The following DUSP22 variants were observed in gnomAD, a reference collection of about 807,000 sequenced individuals.
DUSP22 encodes dual specificity phosphatase 22, also known as dual specificity protein phosphatase 22.
DUSP22 carries 24 observed loss-of-function variants against 24.5 expected under a neutral mutation model. That is an observed-to-expected ratio of 0.98 (90% CI 0.71 to 1.38). The LOEUF (loss-of-function observed/expected upper bound fraction) is 1.38. DUSP22 is among the 40% of genes most tolerant of loss of function. DUSP22 has a pLI of 0.00. For synonymous variants in DUSP22, 160 were observed against 106.4 expected (o/e 1.50, Z -3.10); for missense variants, 330 against 269.2 (o/e 1.23, Z -1.58).
chr6:337,710 A>G (rs1759419550), intron 4 of DUSP22, among the ~76,000 whole-genome samples: 1 of 152,310 alleles, frequency 6.6e-6, no homozygotes, highest in Admixed American at 6.5e-5. Context: ...CTGGACTTTT[A>G]GCGCATCCGT....
intron 3 of DUSP22, among the ~76,000 whole-genome samples, chr6:333,986 G>A (rs144241510): frequency 9.1e-3 from 1,383 of 151,940 alleles, no homozygotes; most frequent in Non-Finnish European, 0.015. Context: ...TACACATTTA[G>A]TTGTCCCTAT....
intron 2 of DUSP22, among the ~76,000 whole-genome samples, chr6:305,584 A>C (rs1288544641): frequency 6.6e-6 from 1 of 152,286 alleles, no homozygotes; most frequent in East Asian, 1.9e-4. Flanking sequence ...ATTTACTGTC[A>C]GCTATTGACT....
At chr6:315,868 G>A (rs200403731) in intron 3 of DUSP22, among the ~76,000 whole-genome samples, 994 of 152,008 alleles carry the variant, frequency 6.5e-3, no homozygotes, top group African/African-American at 0.023. Context: ...AGCCTTTGGT[G>A]TATGCACAAG....
At chr6:319,889 C>A (rs1758513831) in intron 3 of DUSP22, 1 of 152,376 alleles carries the variant, frequency 6.6e-6, no homozygotes, top group Non-Finnish European at 1.5e-5. Flanking sequence ...GAAGCCAACC[C>A]CAGATTTAAA....
chr6:342,344 C>T (rs1436079876), intron 4 of DUSP22, among the ~76,000 whole-genome samples: 1 of 152,304 alleles, frequency 6.6e-6, no homozygotes, highest in Admixed American at 6.5e-5. Flanking sequence ...CAGTCAGGGA[C>T]AGCGTCTTGG....
At chr6:323,296 T>C (rs1024089168) in intron 3 of DUSP22, among the ~76,000 whole-genome samples, 2 of 152,296 alleles carry the variant, frequency 1.3e-5, no homozygotes, top group Non-Finnish European at 2.9e-5. Context: ...TAGGTTTGAA[T>C]TGAGAAGTTA....
chr6:307,612 G>GGA (rs1757868804), intron 2 of DUSP22, among the ~76,000 whole-genome samples: 1 of 152,308 alleles, frequency 6.6e-6, no homozygotes, highest in Non-Finnish European at 1.5e-5. Flanking sequence ...AAGCCAGAGA[G>GGA]AGCAGCCCCT....
At chr6:318,932 C>CA (rs1252891521) in intron 3 of DUSP22, among the ~76,000 whole-genome samples, 2 of 152,304 alleles carry the variant, frequency 1.3e-5, no homozygotes, top group African/African-American at 4.8e-5. Flanking sequence ...GAAAAGGAAG[C>CA]AAGTTATAGG....
At chr6:332,728 T>A (rs1759193724) in intron 3 of DUSP22, among the ~76,000 whole-genome samples, 1 of 151,876 alleles carries the variant, frequency 6.6e-6, no homozygotes, top group African/African-American at 2.4e-5. Context: ...TCAGTCAACA[T>A]CTGGGGGACG....
Position 348,452 on chromosome 6 carries a change from G to C in DUSP22, c.435+178G>C, listed in dbSNP as rs1759995419. ...AGTCGTCACGATCCCTCGTGCACCT[G>C]TTGAAGCCACAGGCGCCTACCCTTT... On this transcript the variant is annotated intron_variant, in intron 6 of 6. Transcript: ENST00000419235. The C allele has an allele frequency of 2.7e-6, 3 of 1,098,088 alleles. No individual in the cohort carries two copies. In the South Asian group the frequency reaches 4.8e-5, roughly 18 times the overall value. The allele number at this position is 1,098,088 out of a possible 1,614,324, so 68.0% of individuals were successfully genotyped here. A position where few individuals can be genotyped will look rare whatever the true frequency, so the allele number is the denominator to read the frequency against.
intron 2 of DUSP22, among the ~76,000 whole-genome samples, chr6:310,617 T>C (rs1477137744): frequency 6.6e-6 from 1 of 152,312 alleles, no homozygotes; most frequent in African/African-American, 2.4e-5. Context: ...TCCAGAACTG[T>C]CCCTGCTTTT....
intron 1 of DUSP22, among the ~76,000 whole-genome samples, chr6:292,970 T>C (rs1288288870): frequency 1.3e-5 from 2 of 152,292 alleles, no homozygotes; most frequent in African/African-American, 4.8e-5. Context: ...TAAACGGGTG[T>C]CCTCTGTAAT....
intron 3 of DUSP22, among the ~76,000 whole-genome samples, chr6:324,932 C>T (rs550653424): frequency 3.1e-3 from 476 of 152,208 alleles, no homozygotes; most frequent in Middle Eastern, 0.014. Flanking sequence ...AGCAGCGCTT[C>T]GTGCCTCCCT....
intron 1 of DUSP22, among the ~76,000 whole-genome samples, chr6:299,903 C>T (rs1290984569): frequency 6.6e-6 from 1 of 152,306 alleles, no homozygotes; most frequent in Non-Finnish European, 1.5e-5. Flanking sequence ...CACTCATCAT[C>T]ATTTTTTCTC....
chr6:344,344 G>A (rs1202333526), intron 4 of DUSP22, among the ~76,000 whole-genome samples: 2 of 152,310 alleles, frequency 1.3e-5, no homozygotes, highest in African/African-American at 4.8e-5. Context: ...GGAGTGCGGT[G>A]GCATGATCTC....
chr6:341,097 C>T (rs114370854), intron 4 of DUSP22, among the ~76,000 whole-genome samples: 1,119 of 152,066 alleles, frequency 7.4e-3, no homozygotes, highest in Middle Eastern at 0.024. Flanking sequence ...TCCCCTCTCC[C>T]TGGAGGTGCC....
At chr6:303,920 G>C (rs1373009425) in intron 1 of DUSP22, among the ~76,000 whole-genome samples, 2 of 152,300 alleles carry the variant, frequency 1.3e-5, no homozygotes, top group Non-Finnish European at 2.9e-5. Flanking sequence ...TGGGGAGTTT[G>C]GTTTGAGAAC....
chr6:300,867 G>C (rs1757549749), intron 1 of DUSP22, among the ~76,000 whole-genome samples: 1 of 152,308 alleles, frequency 6.6e-6, no homozygotes, highest in African/African-American at 2.4e-5. Context: ...AGGCTGGAGA[G>C]CCAGACTCAG....
chr6:292,754 C>T (rs1757148428), intron 1 of DUSP22, among the ~76,000 whole-genome samples, 194 bp downstream of exon 1: 1 of 152,272 alleles, frequency 6.6e-6, no homozygotes, highest in African/African-American at 2.4e-5. Flanking sequence ...CCACCCCACC[C>T]GGCTTCCGGG....
Sources: allele counts gnomAD v4.1 joint callset (sites outside exome capture counted in the v4.1 genomes callset), GRCh38; gene constraint gnomAD v4.1.1; transcripts MANE v1.5; gene names NCBI Gene and HGNC (gene_info 2026-07-23, HGNC 2026-07-21).